The following GARRE1 variants were observed in gnomAD, a reference collection of about 807,000 sequenced individuals.
GARRE1 encodes granule associated Rac and RHOG effector 1, also known as granule associated Rac and RHOG effector protein 1.
Under a neutral mutation model 103.2 loss-of-function variants are expected in GARRE1, and 49 were observed. The observed-to-expected ratio is 0.47, with a 90% CI of 0.38 to 0.60. The LOEUF (loss-of-function observed/expected upper bound fraction) is 0.60, where lower values mean the gene tolerates loss of function less well. Ranked by LOEUF, GARRE1 falls within the 20% of genes least tolerant of loss-of-function variation. GARRE1 has a pLI of 0.00. For synonymous variants in GARRE1, 505 were observed against 532.8 expected, an observed-to-expected ratio of 0.95 and a Z score of 0.72; for missense variants, 1,199 against 1,370.5, an observed-to-expected ratio of 0.87 and a Z score of 1.98.
chr19:34,264,129 A>G (rs1051736368), intron 1 of GARRE1, among the ~76,000 whole-genome samples: 3 of 152,158 alleles, frequency 2.0e-5, no homozygotes, highest in Admixed American at 6.6e-5. Context: ...TGATGCTCCC[A>G]GTTCATTTGG....
At position 34,300,940 on chromosome 19, in the gene GARRE1, A is replaced by G. The variant is rs752106417; in HGVS notation, c.467A>G (p.Gln156Arg). The G allele has an allele frequency of 1.9e-6, 3 of 1,602,988 alleles. No homozygotes were observed. Among genetic ancestry groups the G allele is most frequent in the South Asian group, 1.1e-5 (1 of 91,088 alleles). ...GCTGGGGCTGCAAATTTTACGGATC[A>G]GAAGGAATTCAGTCTCCAGGACATT... Reference protein sequence around the residue: ...LSAGAANFTDQKEFSLQDIEV... With the variant: ...LSAGAANFTDRKEFSLQDIEV... Residue 156 changes from glutamine (Q) to arginine (R), a missense_variant, in exon 2 of 14, where the codon CAG (glutamine) becomes CGG (arginine). Transcript: ENST00000299505.
chr19:34,347,845 C>G, intron 10 of GARRE1, 32 bp from the exon 11 acceptor site: 1 of 1,480,458 alleles, frequency 6.8e-7, no homozygotes, highest in African/African-American at 1.4e-5. Flanking sequence ...AGTTTGTCCC[C>G]AAACCCGGTT....
chr19:34,316,523 A>T (rs1330071461), intron 2 of GARRE1, among the ~76,000 whole-genome samples: 1 of 152,124 alleles, frequency 6.6e-6, no homozygotes, highest in Admixed American at 6.6e-5. Flanking sequence ...CTGAGCTAAG[A>T]CCTGAGATCC....
chr19:34,351,552 C>T lies in GARRE1; in HGVS notation c.2864C>T (p.Pro955Leu). The T allele has an allele frequency of 1.9e-6, 3 of 1,614,006 alleles. No homozygotes were observed. The highest frequency in any genetic ancestry group is 2.5e-6 in the Non-Finnish European group (3 of 1,179,940). ...SSGEQDTSTL[P>L]SPPLLTTVED... ...GGAGAGCAAGACACCAGCACGCTGC[C>T]CTCACCACCTCTCCTCACCACGGTG... The change falls in exon 13 of 14, where the codon CCC becomes CTC. Residue 955 changes from proline to leucine, a missense_variant. By Grantham distance (98) the Pro-to-Leu change is moderately conservative (BLOSUM62 -3). Coordinates refer to ENST00000299505, the MANE Select transcript of GARRE1 (RefSeq NM_014686.5).
At chr19:34,352,507 G>C (rs2074243712) in intron 13 of GARRE1, 140 bp from the exon 14 acceptor site, 4 of 695,246 alleles carry the variant, frequency 5.8e-6, no homozygotes, top group Admixed American at 2.4e-5. Context: ...ATTGCAAGAA[G>C]TTCTGTTGGA....
intron 1 of GARRE1, among the ~76,000 whole-genome samples, chr19:34,263,233 T>C (rs2073729986): frequency 6.7e-6 from 1 of 149,562 alleles, no homozygotes; most frequent in African/African-American, 2.5e-5. Flanking sequence ...TAAATAAAAA[T>C]AAAATAAATA....
At chr19:34,280,808 G>C (rs1336767685) in intron 1 of GARRE1, among the ~76,000 whole-genome samples, 1 of 152,002 alleles carries the variant, frequency 6.6e-6, no homozygotes, top group East Asian at 1.9e-4. Context: ...AGAAGTCCGG[G>C]GCTTATCGGA....
chr19:34,280,787 C>T (rs1267509962), intron 1 of GARRE1, among the ~76,000 whole-genome samples: 1 of 152,098 alleles, frequency 6.6e-6, no homozygotes, highest in Non-Finnish European at 1.5e-5. Context: ...TCCCTGCTTT[C>T]TGGCTTTACA....
chr19:34,328,534 A>G (rs916406204), intron 6 of GARRE1, among the ~76,000 whole-genome samples: 1 of 152,186 alleles, frequency 6.6e-6, no homozygotes, highest in Middle Eastern at 3.4e-3. Flanking sequence ...TCTTAAAAAA[A>G]AAAAAAAAAA....
chr19:34,350,675 G>A (rs1459981642), intron 12 of GARRE1, among the ~76,000 whole-genome samples: 4 of 152,050 alleles, frequency 2.6e-5, no homozygotes, highest in Admixed American at 6.5e-5. Context: ...TCCGCCTTCC[G>A]GGTTCACGCC....
intron 2 of GARRE1, among the ~76,000 whole-genome samples, chr19:34,304,863 C>G (rs2074000267): frequency 6.6e-6 from 1 of 151,798 alleles, no homozygotes; most frequent in Non-Finnish European, 1.5e-5. Context: ...GTGATCTCGG[C>G]TCACTGCAAG....
Position 34,326,334 on chromosome 19 carries a change from A to G in GARRE1, c.706-1087A>G, listed in dbSNP as rs2074111703. On this transcript the variant is annotated intron_variant, in intron 3 of 13. Coordinates refer to ENST00000299505, the MANE Select transcript of GARRE1 (RefSeq NM_014686.5). ...CCCAGCAGAACAAAAGCTAACTGCT[A>G]AAAAATGTTACTTGGTTCACAGAAT... Among the ~76,000 whole-genome samples the G allele has an allele frequency of 2.6e-5, 4 of 152,356 alleles. No individual in the cohort carries two copies. The South Asian group carries it at 8.3e-4, about 32-fold the overall frequency.
intron 1 of GARRE1, among the ~76,000 whole-genome samples, chr19:34,282,810 C>T (rs1011374237): frequency 1.3e-5 from 2 of 152,158 alleles, no homozygotes; most frequent in African/African-American, 4.8e-5. Context: ...GGCATTTATC[C>T]AGCTCCTCCA....
chr19:34,313,230 T>A (rs2074044884), intron 2 of GARRE1, among the ~76,000 whole-genome samples: 1 of 152,170 alleles, frequency 6.6e-6, no homozygotes, highest in Non-Finnish European at 1.5e-5. Context: ...AAGGAGGTCA[T>A]CAAGGAAGAG....
chr19:34,348,143 G>T, intron 11 of GARRE1, 101 bp downstream of exon 11: 1 of 1,057,548 alleles, frequency 9.5e-7, no homozygotes, highest in Non-Finnish European at 1.3e-6. Flanking sequence ...TTCTTTTCAG[G>T]CAGTTCAATT....
At chr19:34,276,956 G>A (rs1015887295) in intron 1 of GARRE1, among the ~76,000 whole-genome samples, 2 of 152,214 alleles carry the variant, frequency 1.3e-5, no homozygotes, top group Non-Finnish European at 2.9e-5. Flanking sequence ...AGATAAGACA[G>A]CATTGTAGGG....
intron 12 of GARRE1, 75 bp from the exon 13 acceptor site, chr19:34,351,439 G>A: frequency 8.9e-7 from 1 of 1,127,596 alleles, no homozygotes; most frequent in East Asian, 2.4e-5. Flanking sequence ...CTGGAGCCTA[G>A]CACTAGTGTG....
At position 34,333,734 on chromosome 19, in the gene GARRE1, A is replaced by G; in HGVS notation, c.1294A>G (p.Lys432Glu). ...GGTTGACACAGCACAGATTGAGAAT[A>G]AAGAAGCCTATGCCCCCCAGATCAG... ...VVVDTAQIEN[K>E]EAYAPQISLE... is the part of the protein sequence containing the mutation. The change falls in exon 8 of 14, where the codon AAA becomes GAA. Residue 432 changes from lysine to glutamate, a missense_variant. Coordinates refer to ENST00000299505, the MANE Select transcript of GARRE1 (RefSeq NM_014686.5). 6.2e-7 allele frequency: 1 copy of G among 1,605,014 alleles called. No individual in the cohort carries two copies. The highest frequency in any genetic ancestry group is 8.5e-7 in the Non-Finnish European group (1 of 1,175,780).
At chr19:34,273,224 G>T (rs2073798386) in intron 1 of GARRE1, among the ~76,000 whole-genome samples, 1 of 152,064 alleles carries the variant, frequency 6.6e-6, no homozygotes, top group African/African-American at 2.4e-5. Flanking sequence ...AAATAAATAT[G>T]ATAACATGTG....
Sources: gnomAD v4.1 joint callset for allele counts (sites outside exome capture counted in the v4.1 genomes callset) on GRCh38, gnomAD v4.1.1 for gene constraint, MANE v1.5 for transcripts, NCBI Gene and HGNC (gene_info 2026-07-23, HGNC 2026-07-21) for gene names.